PC: variants seen among roughly 807,000 people sequenced by gnomAD.
The protein encoded by PC is pyruvate carboxylase.
Under a neutral mutation model 107.8 loss-of-function variants are expected in PC, and 46 were observed. The observed-to-expected ratio is 0.43, with a 90% CI of 0.34 to 0.55. The LOEUF is 0.55. PC is among the 20% of genes least tolerant of loss of function. The pLI is 0.04. For missense variants in PC, 1,241 were observed against 1,643.1 expected (o/e 0.76, Z 4.23); for synonymous variants, 662 against 684.7 (o/e 0.97, Z 0.52).
At chr11:66,859,482 G>A (rs1393828923) in intron 12 of PC, among the ~76,000 whole-genome samples, 1 of 152,198 alleles carries the variant, frequency 6.6e-6, no homozygotes, top group Non-Finnish European at 1.5e-5. Context: ...CCATCTCCTG[G>A]CCACACTCTC....
At position 66,848,738 on chromosome 11, in the gene PC, G is replaced by A. The variant is rs886048554; in HGVS notation, c.*161C>T. ...CCGGAGGAAAGGACGATGGCTGAAA[G>A]GAATGAACCACCGCAGGCGGTGTCT... On this transcript the variant is annotated 3_prime_UTR_variant, in exon 23 of 23. Coordinates refer to ENST00000393960, the MANE Select transcript of PC (RefSeq NM_001040716.2). 6.1e-6 allele frequency: 5 copies of A among 814,970 alleles called. No individual in the cohort carries two copies. The highest frequency in any genetic ancestry group is 3.0e-5 in the South Asian group (2 of 66,802). The allele number at this position is 814,970 out of a possible 1,614,324, so 50.5% of individuals were successfully genotyped here.
At chr11:66,913,104 C>T (rs1035166965) in intron 3 of PC, among the ~76,000 whole-genome samples, 8 of 152,098 alleles carry the variant, frequency 5.3e-5, no homozygotes, top group South Asian at 2.1e-4. Context: ...ACTGTTAGAA[C>T]GGCAGCAGCA....
chr11:66,850,042 G>A lies in PC; in HGVS notation c.2793C>T (p.Ala931=), dbSNP rs749960473. The A allele has an allele frequency of 1.1e-5, 18 of 1,613,520 alleles. No individual in the cohort carries two copies. In the East Asian group the frequency reaches 1.8e-4, roughly 16 times the overall value. Residue 931 remains alanine, a synonymous_variant, in exon 20 of 23, where the codon GCC becomes GCT. Transcript: ENST00000393960. ...MVQNGLSRAE[A]EAQAEELSFP... The stretch of plus-strand genomic sequence containing the variant: ...AGGACAGCTCTTCCGCCTGAGCTTC[G>A]GCCTCTGCCCGGCTCAATCCATTCT...
At chr11:66,943,016 CAAA>C (rs373572519) in intron 3 of PC, among the ~76,000 whole-genome samples, 2 of 121,516 alleles carry the variant, frequency 1.6e-5, no homozygotes, top group African/African-American at 5.8e-5. Flanking sequence ...AACTCCATCT[CAAA>C]AAAAAAAAAA....
chr11:66,937,973 T>G (rs1949040902), intron 3 of PC, among the ~76,000 whole-genome samples: 1 of 152,160 alleles, frequency 6.6e-6, no homozygotes, highest in Non-Finnish European at 1.5e-5. Context: ...AGACGGGGTT[T>G]CACTGTGTTA....
chr11:66,917,490 T>C (rs933037865), intron 3 of PC, among the ~76,000 whole-genome samples: 1 of 152,144 alleles, frequency 6.6e-6, no homozygotes, highest in Non-Finnish European at 1.5e-5. Flanking sequence ...TTCAAGAGCA[T>C]AGAGAATTGA....
intron 3 of PC, among the ~76,000 whole-genome samples, chr11:66,943,372 A>G (rs149845741): frequency 1.4e-4 from 22 of 152,176 alleles, no homozygotes; most frequent in Middle Eastern, 3.4e-3. Flanking sequence ...ATTTGTGAGG[A>G]ACAAGCCCTC....
chr11:66,936,573 A>G (rs1949008783), intron 3 of PC, among the ~76,000 whole-genome samples: 1 of 152,188 alleles, frequency 6.6e-6, no homozygotes, highest in South Asian at 2.1e-4. Context: ...AGCATTCAGT[A>G]AAATGTTGTG....
intron 3 of PC, among the ~76,000 whole-genome samples, chr11:66,921,520 A>G (rs1372010300): frequency 1.3e-5 from 2 of 152,144 alleles, no homozygotes; most frequent in Non-Finnish European, 2.9e-5. Context: ...AAAAACCTGG[A>G]GCCATTCAGG....
At chr11:66,956,179 A>T (rs1212453977) in intron 1 of PC, among the ~76,000 whole-genome samples, 1 of 152,168 alleles carries the variant, frequency 6.6e-6, no homozygotes, top group Non-Finnish European at 1.5e-5. Context: ...TCTCCTGTAG[A>T]GGCCTCTTCC....
intron 3 of PC, among the ~76,000 whole-genome samples, chr11:66,898,477 T>C (rs1036350287): frequency 2.0e-5 from 3 of 152,066 alleles, no homozygotes; most frequent in African/African-American, 7.2e-5. Context: ...GTCAGGAGTT[T>C]AAGACCAGCC....
Position 66,858,230 on chromosome 11 carries a change from G to C in PC, c.1369-4847C>G, listed in dbSNP as rs1236148212. 1 of 1,612,468 alleles carries C rather than the reference G, an allele frequency of 6.2e-7. No individual in the cohort carries two copies. ...ACAACAACCTCCGGCAGGTGCCCTG[G>C]GCCGGCATCGGCGCCATGCCTGCCC... On this transcript the variant is annotated intron_variant, in intron 12 of 22. Coordinates refer to ENST00000393960, the MANE Select transcript of PC (RefSeq NM_001040716.2). This position sits in a 1 kb window ranked among gnomAD's most constrained non-coding sequence, Gnocchi z 5.9.
Position 66,914,865 on chromosome 11 carries a change from C to T in PC, c.-1+37565G>A, listed in dbSNP as rs780346940. Among the ~76,000 whole-genome samples, 5 of 151,562 alleles carry T rather than the reference C, an allele frequency of 3.3e-5. No individual in the cohort carries two copies. In the South Asian group the frequency reaches 6.3e-4, roughly 19 times the overall value. ...GCCTGGGCAACATAGCAAGACTCCA[C>T]GTCTAGAAAAAAAAATTAGCTGGGT... On this transcript the variant is annotated intron_variant, in intron 3 of 22. Transcript: ENST00000393960.
In PC at chr11:66,865,431, G is replaced by A. The variant is rs199648601; in HGVS notation, c.1185+756C>T. Among the ~76,000 whole-genome samples the A allele has an allele frequency of 2.8e-4, 42 of 152,372 alleles. No individual in the cohort carries two copies. In the East Asian group the frequency reaches 6.0e-3, roughly 22 times the overall value. Reference sequence around the variant, plus strand: ...ACAGCTGGCACGGTGCTGGCAGCACGTGCAGGGCTGGGAACAGGCACCGAG... The same window carrying A: ...ACAGCTGGCACGGTGCTGGCAGCACATGCAGGGCTGGGAACAGGCACCGAG... On this transcript the variant is annotated intron_variant, in intron 11 of 22. Coordinates refer to ENST00000393960, the MANE Select transcript of PC (RefSeq NM_001040716.2).
At position 66,858,622 on chromosome 11, in the gene PC, TG is replaced by T; in HGVS notation, c.1368+5151del. On this transcript the variant is annotated intron_variant, in intron 12 of 22. Transcript: ENST00000393960. This position sits in a 1 kb window ranked among gnomAD's most constrained non-coding sequence, Gnocchi z 5.9. The stretch of plus-strand genomic sequence containing the variant: ...CGCCACACGCAGCGCCTCTGGGTGC[TG>T]GAAGGCCAGCGGGCCACGCTGCGGT... 6.5e-7 allele frequency: 1 copy of T among 1,536,664 alleles called. No individual in the cohort carries two copies. The highest frequency in any genetic ancestry group is 8.7e-7 in the Non-Finnish European group (1 of 1,143,914).
intron 17 of PC, 38 bp downstream of exon 17, chr11:66,851,002 G>T (rs373734070): frequency 6.2e-7 from 1 of 1,610,206 alleles, no homozygotes; most frequent in Non-Finnish European, 8.5e-7. Flanking sequence ...GGACATGGCC[G>T]GGGCAGAGAG....
intron 3 of PC, among the ~76,000 whole-genome samples, chr11:66,943,368 G>A (rs1411651815): frequency 6.6e-6 from 1 of 152,088 alleles, no homozygotes; most frequent in African/African-American, 2.4e-5. Context: ...CATGATTTGT[G>A]AGGAACAAGC....
In PC at chr11:66,870,552, G is replaced by C; in HGVS notation, c.752-99C>G. 1 of 1,385,020 alleles carries C rather than the reference G, an allele frequency of 7.2e-7. No homozygotes were observed. Among genetic ancestry groups the C allele is most frequent in the Non-Finnish European group, 1.0e-6 (1 of 993,406 alleles). The allele number at this position is 1,385,020 out of a possible 1,614,324, so 85.8% of individuals were successfully genotyped here. ...ATAACCACTGTCGCCAGTCAGTGCCGGCTGCCAGCGGTACAGAGGCTGCCA... is the reference window on the plus strand; with the variant it reads ...ATAACCACTGTCGCCAGTCAGTGCCCGCTGCCAGCGGTACAGAGGCTGCCA... On this transcript the variant is annotated intron_variant, in intron 8 of 22. Coordinates refer to ENST00000393960, the MANE Select transcript of PC (RefSeq NM_001040716.2). The surrounding 1 kb of genome is among the most constrained non-coding windows in gnomAD (Gnocchi z 6.1).
At chr11:66,949,438 G>A (rs1240681240) in intron 3 of PC, among the ~76,000 whole-genome samples, 1 of 151,854 alleles carries the variant, frequency 6.6e-6, no homozygotes, top group Non-Finnish European at 1.5e-5. Context: ...GCTCACGCCT[G>A]TAATCCCAGC....
Sources: allele counts gnomAD v4.1 joint callset (sites outside exome capture counted in the v4.1 genomes callset), GRCh38; gene constraint gnomAD v4.1.1; non-coding constraint Gnocchi (gnomAD v3.1); transcripts MANE v1.5; gene names NCBI Gene and HGNC (gene_info 2026-07-23, HGNC 2026-07-21).